TNFAIP8L3: variants seen among roughly 807,000 people sequenced by gnomAD.
The protein encoded by TNFAIP8L3 is TNF alpha induced protein 8 like 3.
Under a neutral mutation model 11.8 loss-of-function variants are expected in TNFAIP8L3, and 7 were observed. The ratio of observed to expected loss-of-function variants is 0.59; its 90% confidence interval spans 0.34 to 1.11. The LOEUF is 1.11. Ranked by LOEUF, TNFAIP8L3 falls within the 50% of genes most tolerant of loss-of-function variation. The pLI, the probability that TNFAIP8L3 is intolerant of heterozygous loss-of-function variation, is 0.03. For synonymous variants in TNFAIP8L3, 98 were observed against 103.8 expected (o/e 0.94, Z 0.34); for missense variants, 219 against 258.6 (o/e 0.85, Z 1.05).
At chr15:51,098,043 C>T (rs1056887571), upstream of TNFAIP8L3, among the ~76,000 whole-genome samples, 1 of 152,236 alleles carries the variant, frequency 6.6e-6, no homozygotes, top group Non-Finnish European at 1.5e-5. Flanking sequence ...GTTTCTACCA[C>T]TCATTGGTCA....
intron 1 of TNFAIP8L3, among the ~76,000 whole-genome samples, chr15:51,086,082 C>T (rs2065425547): frequency 6.6e-6 from 1 of 152,162 alleles, no homozygotes; most frequent in Non-Finnish European, 1.5e-5. Context: ...GTCACCATGT[C>T]CTGGGGATTG....
chr15:51,058,307 G>C lies in TNFAIP8L3; in HGVS notation c.189C>G (p.Val63=), dbSNP rs1316457497. The C allele has an allele frequency of 6.2e-7, 1 of 1,613,998 alleles. No homozygotes were observed. Among genetic ancestry groups the C allele is most frequent in the African/African-American group, 1.3e-5 (1 of 74,896 alleles). The change falls in exon 2 of 2, where the codon GTC becomes GTG. Residue 63 remains valine, a synonymous_variant. Transcript: ENST00000637513. Reference sequence around the variant, plus strand: ...TCTTGTTGTGTGTGTGCTCTTTGGTGACTTTGTAGAGCTCATCAAAGATCT... The same window carrying C: ...TCTTGTTGTGTGTGTGCTCTTTGGTCACTTTGTAGAGCTCATCAAAGATCT... ...SSEIFDELYK[V]TKEHTHNKKE...
intron 1 of TNFAIP8L3, among the ~76,000 whole-genome samples, chr15:51,084,335 C>G (rs1260376469): frequency 6.6e-6 from 1 of 152,210 alleles, no homozygotes; most frequent in Non-Finnish European, 1.5e-5. Context: ...TCCTTAACAT[C>G]TGAATAATAT....
intron 1 of TNFAIP8L3, among the ~76,000 whole-genome samples, chr15:51,075,034 C>T (rs6493476): frequency 0.6 from 91,049 of 152,032 alleles, 27,404 homozygotes; most frequent in Non-Finnish European, 0.62. Flanking sequence ...GCCTACTATG[C>T]AGAAGTTACT....
chr15:51,087,242 C>T lies in TNFAIP8L3; in HGVS notation c.52+7302G>A, dbSNP rs146650384. The stretch of plus-strand genomic sequence containing the variant: ...GCCTTCCCACCCTCACTTTCTCAGT[C>T]TTATCCAAAGGAAACCAAGGAGCCA... On this transcript the variant is annotated intron_variant, in intron 1 of 1. Transcript: ENST00000637513. Among the ~76,000 whole-genome samples, 35 of 152,302 alleles carry T rather than the reference C, an allele frequency of 2.3e-4. No homozygotes were observed. In the East Asian group the frequency reaches 6.6e-3, roughly 29 times the overall value.
intron 1 of TNFAIP8L3, among the ~76,000 whole-genome samples, chr15:51,092,652 A>T (rs1369336966): frequency 1.3e-5 from 2 of 152,234 alleles, no homozygotes; most frequent in Admixed American, 6.5e-5. Context: ...CCTGTTCTTC[A>T]TGGGGCCCAT....
At chr15:51,060,760 G>A (rs1220092368) in intron 1 of TNFAIP8L3, among the ~76,000 whole-genome samples, 2 of 152,196 alleles carry the variant, frequency 1.3e-5, no homozygotes, top group Non-Finnish European at 2.9e-5. Flanking sequence ...TCCATACCCT[G>A]CTGTTTGTAC....
At chr15:51,104,403 C>G (rs1443502259) in intron 1 of TNFAIP8L3, among the ~76,000 whole-genome samples, 5 of 152,220 alleles carry the variant, frequency 3.3e-5, no homozygotes, top group African/African-American at 1.2e-4. Context: ...ATGCTCCCCA[C>G]TCACAGGAGA....
intron 1 of TNFAIP8L3, among the ~76,000 whole-genome samples, chr15:51,061,632 T>G (rs992994292): frequency 6.6e-6 from 1 of 152,210 alleles, no homozygotes; most frequent in Admixed American, 6.5e-5. Flanking sequence ...GTATGTGCTT[T>G]GCTTGAAAAT....
intron 1 of TNFAIP8L3, among the ~76,000 whole-genome samples, chr15:51,060,349 C>G (rs185018452): frequency 1.3e-5 from 2 of 152,164 alleles, no homozygotes; most frequent in African/African-American, 4.8e-5. Context: ...TTTGAGTAAT[C>G]GTCCTGTCAC....
chr15:51,097,825 T>C (rs1218958280), upstream of TNFAIP8L3, among the ~76,000 whole-genome samples: 1 of 151,464 alleles, frequency 6.6e-6, no homozygotes, highest in Non-Finnish European at 1.5e-5. Flanking sequence ...TGAATCTCCT[T>C]TTACAAACCA....
chr15:51,082,270 C>T (rs188791675), intron 1 of TNFAIP8L3, among the ~76,000 whole-genome samples: 52 of 152,062 alleles, frequency 3.4e-4, no homozygotes, highest in Admixed American at 2.9e-3. Context: ...AAACTTGTAC[C>T]GTATGTTACT....
At chr15:51,078,727 G>A (rs140841948) in intron 1 of TNFAIP8L3, among the ~76,000 whole-genome samples, 1 of 151,718 alleles carries the variant, frequency 6.6e-6, no homozygotes, top group Non-Finnish European at 1.5e-5. Flanking sequence ...TGTATGATAC[G>A]TGACTCTGCC....
In TNFAIP8L3 at chr15:51,094,142, C is replaced by T. The variant is rs1038561804; in HGVS notation, c.52+402G>A. ...CCAGTCACGTTCTTGGACCCAGTCA[C>T]CTGCGCCGCAGCGCAGTCCCGGCGC... On this transcript the variant is annotated intron_variant, in intron 1 of 1. Transcript: ENST00000637513. This position sits in a 1 kb window ranked among gnomAD's most constrained non-coding sequence, Gnocchi z 4.4. 7.2e-5 allele frequency among the ~76,000 whole-genome samples: 11 copies of T among 152,338 alleles called. No individual in the cohort carries two copies. Among genetic ancestry groups the T allele is most frequent in the African/African-American group, 1.4e-4 (6 of 41,588 alleles).
chr15:51,099,160 G>A (rs1287511221), upstream of TNFAIP8L3, among the ~76,000 whole-genome samples: 1 of 152,198 alleles, frequency 6.6e-6, no homozygotes, highest in Non-Finnish European at 1.5e-5. Context: ...GTTCATTCTT[G>A]CATTTGTCCA....
At chr15:51,094,926 G>A (rs957435147), upstream of TNFAIP8L3, among the ~76,000 whole-genome samples, 2 of 150,992 alleles carry the variant, frequency 1.3e-5, no homozygotes, top group African/African-American at 4.9e-5. This position sits in a 1 kb window ranked among gnomAD's most constrained non-coding sequence, Gnocchi z 4.4. Flanking sequence ...GCTCCAGGCT[G>A]GGGTTAAATA....
At chr15:51,104,247 T>A (rs1221848400) in intron 1 of TNFAIP8L3, among the ~76,000 whole-genome samples, 2 of 152,154 alleles carry the variant, frequency 1.3e-5, no homozygotes, top group East Asian at 3.9e-4. Flanking sequence ...GGCTCCCTCC[T>A]CCCAGCTCTT....
intron 1 of TNFAIP8L3, among the ~76,000 whole-genome samples, chr15:51,077,751 C>T (rs1168852917): frequency 1.3e-5 from 2 of 152,238 alleles, no homozygotes; most frequent in Non-Finnish European, 2.9e-5. Context: ...TGCACATGCG[C>T]ACTGGGGGAA....
At chr15:51,062,567 T>C (rs2065248049) in intron 1 of TNFAIP8L3, among the ~76,000 whole-genome samples, 1 of 152,242 alleles carries the variant, frequency 6.6e-6, no homozygotes, top group African/African-American at 2.4e-5. Context: ...GGAATGTCTC[T>C]GGACTCTTGC....
Sources: allele counts gnomAD v4.1 joint callset (sites outside exome capture counted in the v4.1 genomes callset), GRCh38; gene constraint gnomAD v4.1.1; non-coding constraint Gnocchi (gnomAD v3.1); transcripts MANE v1.5; gene names NCBI Gene and HGNC (gene_info 2026-07-23, HGNC 2026-07-21).